Variants in KCNIP4 observed in about 807,000 individuals in gnomAD.
The protein encoded by KCNIP4 is Kv channel-interacting protein 4.
In KCNIP4, 12 loss-of-function variants were observed where a neutral mutation model predicts 34.0. The ratio of observed to expected loss-of-function variants is 0.35; its 90% confidence interval spans 0.23 to 0.57. The LOEUF (loss-of-function observed/expected upper bound fraction) is 0.57. KCNIP4 is among the 20% of genes least tolerant of loss of function. The probability of loss-of-function intolerance (pLI) is 0.83; values close to 1 mark genes in which losing one functional copy is unlikely to be tolerated. For synonymous variants in KCNIP4, 124 were observed against 102.2 expected, an observed-to-expected ratio of 1.21 and a Z score of -1.29; for missense variants, 238 against 311.7, an observed-to-expected ratio of 0.76 and a Z score of 1.78.
intron 1 of KCNIP4, among the ~76,000 whole-genome samples, chr4:20,885,014 AAAACT>A (rs1430822187): frequency 3.7e-4 from 56 of 152,160 alleles, no homozygotes; most frequent in African/African-American, 1.3e-3. Flanking sequence ...TGAGGCTTTT[AAAACT>A]CAGTTCAAAC....
intron 1 of KCNIP4, among the ~76,000 whole-genome samples, chr4:20,960,603 G>T (rs2149658852): frequency 6.6e-6 from 1 of 152,332 alleles, no homozygotes; most frequent in Admixed American, 6.5e-5. Flanking sequence ...ATCTGTGCAA[G>T]GCAATCCCCT....
chr4:21,714,914 AT>A (rs1464531781), intron 1 of KCNIP4, among the ~76,000 whole-genome samples: 4 of 238 alleles, frequency 0.017, no homozygotes, highest in Non-Finnish European at 0.024. Context: ...ATTTTATTTT[AT>A]TTTATTTTAT....
intron 3 of KCNIP4, among the ~76,000 whole-genome samples, chr4:20,818,620 T>C (rs1716717671): frequency 6.6e-6 from 1 of 152,156 alleles, no homozygotes; most frequent in Non-Finnish European, 1.5e-5. Context: ...ATGTGTGTAG[T>C]GCTGTTGTGA....
At chr4:21,530,708 A>G (rs1736602915) in intron 1 of KCNIP4, among the ~76,000 whole-genome samples, 1 of 152,152 alleles carries the variant, frequency 6.6e-6, no homozygotes, top group Non-Finnish European at 1.5e-5. Flanking sequence ...CAAGTACCAC[A>G]ATAAAATAAG....
At position 20,748,594 on chromosome 4, in the gene KCNIP4, ATATATATATATTC is replaced by A. The variant is rs1373698542; in HGVS notation, c.429+1055_429+1067del. On this transcript the variant is annotated intron_variant, in intron 5 of 8. Transcript: ENST00000382152. ...TATATATATATATATATATATATAT[ATATATATATATTC>A]CATAAGTAAATATAAATGTATATAT... Among the ~76,000 whole-genome samples the A allele has an allele frequency of 7.6e-3, 832 of 109,978 alleles. 9 individuals carry two copies. Among genetic ancestry groups the A allele is most frequent in the Non-Finnish European group, 0.011 (555 of 50,188 alleles). The allele number at this position is 109,978 out of a possible 152,430, so 72.1% of individuals were successfully genotyped here.
At chr4:21,520,555 G>A (rs1057168199) in intron 1 of KCNIP4, among the ~76,000 whole-genome samples, 20 of 152,190 alleles carry the variant, frequency 1.3e-4, no homozygotes, top group East Asian at 5.8e-4. Flanking sequence ...TCACAGAAGC[G>A]TTATTTTCTG....
At position 21,133,735 on chromosome 4, in the gene KCNIP4, G is replaced by T. The variant is rs147852093; in HGVS notation, c.62-251026C>A. ...TCTTCTGATTCTGCCATAATTTCTT[G>T]TTATGTGATCTCAGTGAAACTCATG... On this transcript the variant is annotated intron_variant, in intron 1 of 8. Transcript: ENST00000382152. 6.6e-3 allele frequency among the ~76,000 whole-genome samples: 997 copies of T among 152,128 alleles called. 9 individuals carry two copies. The highest frequency in any genetic ancestry group is 0.023 in the African/African-American group (935 of 41,494).
intron 1 of KCNIP4, among the ~76,000 whole-genome samples, chr4:21,283,043 A>G (rs2109175376): frequency 6.6e-6 from 1 of 152,350 alleles, no homozygotes; most frequent in Non-Finnish European, 1.5e-5. Flanking sequence ...TCAATGGGTC[A>G]CAAATGCTAA....
chr4:20,915,541 C>CACCAGG (rs1294455095), intron 1 of KCNIP4, among the ~76,000 whole-genome samples: 2 of 152,060 alleles, frequency 1.3e-5, no homozygotes, highest in South Asian at 2.1e-4. Context: ...CCTATAGAGT[C>CACCAGG]ACCAGGTTTT....
intron 1 of KCNIP4, among the ~76,000 whole-genome samples, chr4:21,432,059 T>C (rs1299118517): frequency 7.6e-6 from 1 of 130,810 alleles, no homozygotes; most frequent in Non-Finnish European, 1.6e-5. Flanking sequence ...TATAAGAATA[T>C]TCATAGTGTA....
intron 1 of KCNIP4, among the ~76,000 whole-genome samples, chr4:20,956,365 C>A (rs565643927): frequency 5.9e-5 from 9 of 151,936 alleles, no homozygotes; most frequent in African/African-American, 1.9e-4. Context: ...ATTAGCCGGG[C>A]GTGGTGGCGG....
intron 1 of KCNIP4, among the ~76,000 whole-genome samples, chr4:20,953,501 G>T (rs1577425870): frequency 6.6e-6 from 1 of 152,004 alleles, no homozygotes; most frequent in Non-Finnish European, 1.5e-5. Context: ...GGGTAACATG[G>T]TGAAATCCGA....
At chr4:21,808,347 T>A (rs574776320) in intron 1 of KCNIP4, among the ~76,000 whole-genome samples, 1 of 152,140 alleles carries the variant, frequency 6.6e-6, no homozygotes, top group Non-Finnish European at 1.5e-5. Context: ...TTCTTCCTCC[T>A]CCTCAGCCTA....
intron 1 of KCNIP4, among the ~76,000 whole-genome samples, chr4:20,976,209 C>A (rs556307899): frequency 1.3e-5 from 2 of 152,144 alleles, no homozygotes; most frequent in Non-Finnish European, 2.9e-5. Context: ...AAGTAAGAAC[C>A]CATTAGAAAT....
chr4:21,032,594 C>G (rs1741118571), intron 1 of KCNIP4, among the ~76,000 whole-genome samples: 1 of 151,978 alleles, frequency 6.6e-6, no homozygotes, highest in African/African-American at 2.4e-5. Context: ...CCAGAAAGTC[C>G]TAGAAAAAAA....
chr4:21,782,956 T>C (rs1719664281), intron 1 of KCNIP4, among the ~76,000 whole-genome samples: 1 of 152,042 alleles, frequency 6.6e-6, no homozygotes, highest in Non-Finnish European at 1.5e-5. Context: ...ATTCTTGAAA[T>C]GACAAAATTG....
intron 1 of KCNIP4, among the ~76,000 whole-genome samples, chr4:21,431,515 G>T (rs1236876644): frequency 6.6e-6 from 1 of 151,998 alleles, no homozygotes. Context: ...ATAAATGGTA[G>T]TCAATGATGT....
chr4:21,916,996 A>G (rs1035578696), intron 1 of KCNIP4, among the ~76,000 whole-genome samples: 13 of 152,338 alleles, frequency 8.5e-5, no homozygotes, highest in Admixed American at 2.6e-4. Flanking sequence ...AATAGCATGG[A>G]TGCAACAGAT....
In KCNIP4 at chr4:20,952,058, G is replaced by A. The variant is rs140833674; in HGVS notation, c.62-69349C>T. On this transcript the variant is annotated intron_variant, in intron 1 of 8. Transcript: ENST00000382152. ...AAATATAAGTGAAATATTTATAAGC[G>A]ATATATAGATGAAAAAATATTATCA... 6.9e-3 allele frequency among the ~76,000 whole-genome samples: 1,048 copies of A among 152,146 alleles called. 53 individuals are homozygous for A. The highest frequency in any genetic ancestry group is 0.058 in the Admixed American group (882 of 15,282).
Sources: gnomAD v4.1 joint callset for allele counts (sites outside exome capture counted in the v4.1 genomes callset) on GRCh38, gnomAD v4.1.1 for gene constraint, MANE v1.5 for transcripts, NCBI Gene and HGNC (gene_info 2026-07-23, HGNC 2026-07-21) for gene names.